Variants in QSER1 observed in about 807,000 individuals in gnomAD.
The protein encoded by QSER1 is glutamine and serine rich 1.
In QSER1, 49 loss-of-function variants were observed where a neutral mutation model predicts 158.5. The observed-to-expected ratio is 0.31, with a 90% CI of 0.25 to 0.39. The LOEUF (loss-of-function observed/expected upper bound fraction) is 0.39. Among genes scored for constraint, QSER1 ranks in the 10% least tolerant of loss-of-function variants. The pLI is 1.00. For missense variants in QSER1, 1,754 were observed against 2,010.3 expected, an observed-to-expected ratio of 0.87 and a Z score of 2.44; for synonymous variants, 650 against 715.5, an observed-to-expected ratio of 0.91 and a Z score of 1.46.
intron 12 of QSER1, chr11:32,975,592 C>T: frequency 7.7e-7 from 1 of 1,306,128 alleles, no homozygotes; most frequent in Non-Finnish European, 9.9e-7. Context: ...GCTGTTGGTG[C>T]TTGCTTTACA....
chr11:32,961,553 C>A (rs1852625353), intron 8 of QSER1, among the ~76,000 whole-genome samples: 1 of 152,124 alleles, frequency 6.6e-6, no homozygotes, highest in Admixed American at 6.5e-5. Flanking sequence ...TGTTGTATAA[C>A]CCTCACCTAT....
intron 1 of QSER1, among the ~76,000 whole-genome samples, chr11:32,894,652 T>C (rs910342520): frequency 2.0e-5 from 3 of 152,218 alleles, no homozygotes; most frequent in African/African-American, 7.2e-5. Context: ...TGTGAAAGAA[T>C]GAGAAAAATT....
Position 32,932,988 on chromosome 11 carries a change from C to T in QSER1, c.1730C>T (p.Ser577Leu). The stretch of plus-strand genomic sequence containing the variant: ...ACACAGGTTAGCTATTCATCTCAAT[C>T]ACAAGTTTTGTCAGTTGTTAGTCTT... ...SQTQVSYSSQ[S>L]QVLSVVSLSE... Residue 577 changes from serine (S) to leucine (L), a missense_variant, in exon 4 of 13, where the codon TCA (serine) becomes TTA (leucine). Transcript: ENST00000650167. The T allele has an allele frequency of 6.2e-7, 1 of 1,612,532 alleles. No homozygotes were observed. Among genetic ancestry groups the T allele is most frequent in the Non-Finnish European group, 8.5e-7 (1 of 1,179,960 alleles).
chr11:32,932,580 C>T lies in QSER1; in HGVS notation c.1322C>T (p.Pro441Leu). Residue 441 changes from proline (P) to leucine (L), a missense_variant, in exon 4 of 13, where the codon CCT becomes CTT. Pro to Leu is a moderately conservative substitution (Grantham distance 98). Coordinates refer to ENST00000650167, the MANE Select transcript of QSER1 (RefSeq NM_001076786.3). ...PPVQTLSYSK[P>L]LHNQSSVISG... is the part of the protein sequence containing the mutation. ...GTGCAAACACTAAGCTATTCCAAACCTTTACATAATCAGAGTTCTGTAATA... is the reference window on the plus strand; with the variant it reads ...GTGCAAACACTAAGCTATTCCAAACTTTTACATAATCAGAGTTCTGTAATA... 6.2e-7 allele frequency: 1 copy of T among 1,614,112 alleles called. No individual in the cohort carries two copies. Among genetic ancestry groups the T allele is most frequent in the Non-Finnish European group, 8.5e-7 (1 of 1,179,984 alleles).
At position 32,932,164 on chromosome 11, in the gene QSER1, T is replaced by C; in HGVS notation, c.906T>C (p.Ser302=). The change falls in exon 4 of 13, where the codon AGT becomes AGC. Residue 302 remains serine, a synonymous_variant. Coordinates refer to ENST00000650167, the MANE Select transcript of QSER1 (RefSeq NM_001076786.3). ...CCTACAGTTCAACTCTCTTTACTAG[T>C]TCTACTGCTTCCATTGAAAGAGCTC... ...PQAYSSTLFT[S]STASIERALL... is the part of the protein sequence containing the mutation. The C allele has an allele frequency of 6.2e-7, 1 of 1,614,218 alleles. No individual in the cohort carries two copies. Among genetic ancestry groups the C allele is most frequent in the Non-Finnish European group, 8.5e-7 (1 of 1,180,032 alleles).
At chr11:32,917,821 CAAAAAAAA>C (rs371007117) in intron 1 of QSER1, among the ~76,000 whole-genome samples, 1 of 80,818 alleles carries the variant, frequency 1.2e-5, no homozygotes, top group East Asian at 4.5e-4. Flanking sequence ...GACTCTGTCT[CAAAAAAAA>C]AAAAAAAAAA....
intron 1 of QSER1, among the ~76,000 whole-genome samples, chr11:32,909,851 AT>A (rs1851744301): frequency 1.3e-5 from 2 of 152,096 alleles, no homozygotes; most frequent in African/African-American, 4.8e-5. Context: ...TATAAGGTGT[AT>A]TTTGATTTTA....
At chr11:32,919,929 A>G (rs1366233711) in intron 1 of QSER1, among the ~76,000 whole-genome samples, 3 of 152,330 alleles carry the variant, frequency 2.0e-5, no homozygotes, top group East Asian at 1.9e-4. Context: ...TTCCTTTGAC[A>G]TAAATGTCTT....
rs540872309 is a variant in QSER1, at chr11:32,947,566, A to T, written c.4178-6291A>T. Among the ~76,000 whole-genome samples, 141 of 152,336 alleles carry T rather than the reference A, an allele frequency of 9.3e-4. 1 individual carries two copies. Among genetic ancestry groups the T allele is most frequent in the Middle Eastern group, 6.8e-3 (2 of 294 alleles). On this transcript the variant is annotated intron_variant, in intron 4 of 12. Transcript: ENST00000650167. ...TATAAAAGGGAGTGATGGATAGATT[A>T]AACAGATGAACCAAAATGTTTGTGC...
intron 3 of QSER1, among the ~76,000 whole-genome samples, chr11:32,929,154 C>T (rs1282717231): frequency 6.6e-6 from 1 of 152,032 alleles, no homozygotes; most frequent in African/African-American, 2.4e-5. Flanking sequence ...CTCTGTCGCC[C>T]AGGCTGGAGT....
chr11:32,945,026 A>G (rs1852305743), intron 4 of QSER1, among the ~76,000 whole-genome samples: 1 of 137,454 alleles, frequency 7.3e-6, no homozygotes, highest in South Asian at 2.7e-4. Context: ...TTGTTGGTTT[A>G]AAGTCTGTTT....
chr11:32,895,178 C>G (rs766722412), intron 1 of QSER1, among the ~76,000 whole-genome samples: 2 of 152,164 alleles, frequency 1.3e-5, no homozygotes, highest in Non-Finnish European at 2.9e-5. Context: ...AGTAGATTCA[C>G]TTGGCACACA....
At chr11:32,905,889 G>A (rs1048708432) in intron 1 of QSER1, among the ~76,000 whole-genome samples, 1 of 151,908 alleles carries the variant, frequency 6.6e-6, no homozygotes, top group South Asian at 2.1e-4. Context: ...ATGCTTATTA[G>A]GGAAAATTTA....
At chr11:32,967,087 A>G (rs1008252152) in intron 9 of QSER1, among the ~76,000 whole-genome samples, 1 of 152,168 alleles carries the variant, frequency 6.6e-6, no homozygotes. Context: ...CTGTAAAGAT[A>G]TGGAAAGTGC....
chr11:32,909,112 A>G (rs1300186484), intron 1 of QSER1, among the ~76,000 whole-genome samples: 1 of 152,212 alleles, frequency 6.6e-6, no homozygotes, highest in East Asian at 1.9e-4. Flanking sequence ...GTGAGCTGAG[A>G]TCGCGCCACT....
intron 8 of QSER1, among the ~76,000 whole-genome samples, chr11:32,959,116 TAC>T (rs1017580022): frequency 6.6e-6 from 1 of 152,204 alleles, no homozygotes; most frequent in Non-Finnish European, 1.5e-5. Flanking sequence ...AGTAGTGTAG[TAC>T]AGAGGTTGCC....
chr11:32,905,984 C>T (rs1851686762), intron 1 of QSER1, among the ~76,000 whole-genome samples: 1 of 151,832 alleles, frequency 6.6e-6, no homozygotes, highest in Admixed American at 6.6e-5. Flanking sequence ...AATATATACT[C>T]CTCTAAAATT....
chr11:32,928,788 T>C (rs1054271404), intron 3 of QSER1, among the ~76,000 whole-genome samples: 1 of 152,182 alleles, frequency 6.6e-6, no homozygotes, highest in Non-Finnish European at 1.5e-5. Context: ...GGAAATAGTA[T>C]TTTAACATTC....
chr11:32,976,597 C>A lies in QSER1; in HGVS notation c.*123C>A. 1 of 1,040,508 alleles carries A rather than the reference C, an allele frequency of 9.6e-7. No individual in the cohort carries two copies. The highest frequency in any genetic ancestry group is 2.6e-5 in the East Asian group (1 of 39,118). The allele number at this position is 1,040,508 out of a possible 1,614,324, so 64.5% of individuals were successfully genotyped here. On this transcript the variant is annotated 3_prime_UTR_variant, in exon 13 of 13. Coordinates refer to ENST00000650167, the MANE Select transcript of QSER1 (RefSeq NM_001076786.3). ...CCGGCCGCTTCCATCATGGAACTGT[C>A]ATTACCACCTCTGCTGAAGGACAGT...
Sources: allele counts gnomAD v4.1 joint callset (sites outside exome capture counted in the v4.1 genomes callset), GRCh38; gene constraint gnomAD v4.1.1; transcripts MANE v1.5; gene names NCBI Gene and HGNC (gene_info 2026-07-23, HGNC 2026-07-21).